DENND1A: variants seen among roughly 807,000 people sequenced by gnomAD.
The protein encoded by DENND1A is DENN domain-containing protein 1A.
Under a neutral mutation model 113.7 loss-of-function variants are expected in DENND1A, and 51 were observed. That is an observed-to-expected ratio of 0.45 (90% confidence interval 0.36 to 0.57). DENND1A has a LOEUF of 0.57. DENND1A is among the 20% of genes least tolerant of loss of function. The probability of loss-of-function intolerance (pLI) is 0.00; values close to 1 mark genes in which losing one functional copy is unlikely to be tolerated. For synonymous variants in DENND1A, 565 were observed against 570.8 expected, an observed-to-expected ratio of 0.99 and a Z score of 0.14; for missense variants, 1,258 against 1,395.9, an observed-to-expected ratio of 0.90 and a Z score of 1.57.
At chr9:123,774,467 G>A (rs1392616026) in intron 3 of DENND1A, among the ~76,000 whole-genome samples, 1 of 152,098 alleles carries the variant, frequency 6.6e-6, no homozygotes, top group Non-Finnish European at 1.5e-5. Context: ...TTTCCTAAAT[G>A]TGAACACAGG....
intron 13 of DENND1A, among the ~76,000 whole-genome samples, chr9:123,504,531 T>A (rs547776752): frequency 1.3e-5 from 2 of 152,328 alleles, no homozygotes; most frequent in South Asian, 2.1e-4. Context: ...AGTTAAAAAA[T>A]TTTTCATTTC....
chr9:123,574,097 CT>C (rs1218873087), intron 12 of DENND1A, among the ~76,000 whole-genome samples: 1 of 147,090 alleles, frequency 6.8e-6, no homozygotes, highest in African/African-American at 2.5e-5. Flanking sequence ...GGTTATTATC[CT>C]TTTTTATATA....
At chr9:123,605,485 C>T (rs1761756398) in intron 11 of DENND1A, among the ~76,000 whole-genome samples, 1 of 152,204 alleles carries the variant, frequency 6.6e-6, no homozygotes, top group South Asian at 2.1e-4. Context: ...TCCTAGCTGC[C>T]AGCTAGCATG....
At chr9:123,772,869 C>G (rs974306103) in intron 3 of DENND1A, among the ~76,000 whole-genome samples, 9 of 152,148 alleles carry the variant, frequency 5.9e-5, no homozygotes, top group Non-Finnish European at 1.0e-4. Context: ...TTTTCATAAT[C>G]AAAACACTGC....
intron 1 of DENND1A, among the ~76,000 whole-genome samples, chr9:123,895,051 G>C (rs1850508015): frequency 6.6e-6 from 1 of 151,626 alleles, no homozygotes; most frequent in Non-Finnish European, 1.5e-5. Context: ...CACTGCAGCT[G>C]CAAGTTCCTT....
At chr9:123,418,469 G>C (rs1444698179) in intron 19 of DENND1A, among the ~76,000 whole-genome samples, 1 of 152,204 alleles carries the variant, frequency 6.6e-6, no homozygotes, top group Non-Finnish European at 1.5e-5. Context: ...GTTTCCAAAA[G>C]GTCAGGAGGG....
intron 2 of DENND1A, among the ~76,000 whole-genome samples, chr9:123,833,561 G>C (rs1051167879): frequency 4.6e-5 from 7 of 151,898 alleles, no homozygotes; most frequent in Non-Finnish European, 1.0e-4. Flanking sequence ...TTCAGAAATG[G>C]TTAGTAAAAA....
intron 12 of DENND1A, among the ~76,000 whole-genome samples, chr9:123,566,573 T>C (rs1440654845): frequency 2.6e-5 from 4 of 152,226 alleles, no homozygotes; most frequent in African/African-American, 7.2e-5. Context: ...TTATGTGCTA[T>C]AGTGGCTCTG....
At chr9:123,433,191 A>G (rs1453020531) in intron 19 of DENND1A, among the ~76,000 whole-genome samples, 1 of 152,176 alleles carries the variant, frequency 6.6e-6, no homozygotes, top group Admixed American at 6.5e-5. Flanking sequence ...ACCCCTCTAG[A>G]GATGTGGAAA....
intron 1 of DENND1A, among the ~76,000 whole-genome samples, chr9:123,885,003 A>G (rs35742037): frequency 0.031 from 3,744 of 122,504 alleles, 146 homozygotes; most frequent in African/African-American, 0.14. Context: ...GCGCGCACAC[A>G]CACACACACA....
intron 4 of DENND1A, chr9:123,759,807 T>C (rs1390186429): frequency 6.6e-6 from 1 of 152,212 alleles, no homozygotes; most frequent in Non-Finnish European, 1.5e-5. Context: ...GTGAATGGGT[T>C]TCCCTACCTT....
At chr9:123,418,091 A>G (rs1441709247) in intron 19 of DENND1A, among the ~76,000 whole-genome samples, 1 of 152,210 alleles carries the variant, frequency 6.6e-6, no homozygotes, top group African/African-American at 2.4e-5. Context: ...CAGAGACACA[A>G]TAAGAGGAAC....
intron 13 of DENND1A, among the ~76,000 whole-genome samples, chr9:123,506,923 C>T (rs184455486): frequency 2.6e-4 from 40 of 152,308 alleles, no homozygotes; most frequent in Middle Eastern, 3.4e-3. Flanking sequence ...AGTGGCTTAA[C>T]GCCTATAATC....
At chr9:123,740,245 T>A (rs139928203) in intron 5 of DENND1A, among the ~76,000 whole-genome samples, 1 of 152,236 alleles carries the variant, frequency 6.6e-6, no homozygotes, top group Non-Finnish European at 1.5e-5. Context: ...CAATTCTCTA[T>A]GCTGCTTAAT....
intron 5 of DENND1A, among the ~76,000 whole-genome samples, chr9:123,690,017 G>A (rs540798019): frequency 6.9e-6 from 1 of 144,080 alleles, no homozygotes; most frequent in Admixed American, 7.1e-5. Context: ...GGAAAGGAGG[G>A]AAGGAGGGAG....
At chr9:123,585,676 T>TCA (rs1443512315) in intron 11 of DENND1A, among the ~76,000 whole-genome samples, 2 of 152,206 alleles carry the variant, frequency 1.3e-5, no homozygotes, top group African/African-American at 4.8e-5. Context: ...CACTTCAGGC[T>TCA]CACACAGCAC....
chr9:123,399,780 C>G (rs7875077), intron 21 of DENND1A, among the ~76,000 whole-genome samples: 1 of 152,170 alleles, frequency 6.6e-6, no homozygotes, highest in African/African-American at 2.4e-5. Context: ...CCTGAAGGGC[C>G]CCGTTCCAAG....
At chr9:123,757,603 A>G (rs572885234) in intron 5 of DENND1A, 100 bp downstream of exon 5, 1 of 1,523,968 alleles carries the variant, frequency 6.6e-7, no homozygotes, top group East Asian at 2.3e-5. Flanking sequence ...AACAGATAGG[A>G]AAATGAAATG....
intron 22 of DENND1A, 65 bp downstream of exon 22, chr9:123,387,665 T>C: frequency 2.4e-6 from 3 of 1,236,618 alleles, no homozygotes; most frequent in Non-Finnish European, 1.1e-6. Flanking sequence ...GCCCCCCGCT[T>C]TCGCCATGCA....
Sources: allele counts gnomAD v4.1 joint callset (sites outside exome capture counted in the v4.1 genomes callset), GRCh38; gene constraint gnomAD v4.1.1; transcripts MANE v1.5; gene names NCBI Gene and HGNC (gene_info 2026-07-23, HGNC 2026-07-21).